The following DOCK9 variants were observed in gnomAD, a reference collection of about 807,000 sequenced individuals.
The protein encoded by DOCK9 is dedicator of cytokinesis 9.
A neutral mutation model predicts 263.3 loss-of-function variants in DOCK9; 89 were observed. The observed-to-expected ratio is 0.34, with a 90% CI of 0.28 to 0.40. The LOEUF is 0.40. DOCK9 is among the 10% of genes least tolerant of loss of function. The probability of loss-of-function intolerance (pLI) is 1.00; values close to 1 mark genes in which losing one functional copy is unlikely to be tolerated. For synonymous variants in DOCK9, 976 were observed against 973.1 expected (o/e 1.00, Z -0.06); for missense variants, 2,140 against 2,603.4 (o/e 0.82, Z 3.87).
At chr13:99,049,182 T>C (rs1439054778) in intron 1 of DOCK9, among the ~76,000 whole-genome samples, 1 of 152,232 alleles carries the variant, frequency 6.6e-6, no homozygotes. Flanking sequence ...AACTGTGAAA[T>C]GAAAATTCTT....
intron 1 of DOCK9, among the ~76,000 whole-genome samples, chr13:98,958,565 C>T (rs1009572724): frequency 6.6e-6 from 1 of 152,234 alleles, no homozygotes; most frequent in Non-Finnish European, 1.5e-5. Flanking sequence ...GGCACAAAAG[C>T]AGCCACAGAC....
In DOCK9 at chr13:98,867,958, G is replaced by A; in HGVS notation, c.3144C>T (p.Tyr1048=). 1 of 1,613,688 alleles carries A rather than the reference G, an allele frequency of 6.2e-7. No individual in the cohort carries two copies. The highest frequency in any genetic ancestry group is 8.5e-7 in the Non-Finnish European group (1 of 1,179,808). Residue 1048 remains tyrosine (Y), a synonymous_variant, in exon 29 of 53, where the codon TAC becomes TAT. Coordinates refer to ENST00000682017, the MANE Select transcript of DOCK9 (RefSeq NM_001366683.2). Reference sequence around the variant, plus strand: ...GGTCTCCAGGAGCAAAACAGCTAATGTAGTTGTTGATCTGCTTGAAGACAA... The same window carrying A: ...GGTCTCCAGGAGCAAAACAGCTAATATAGTTGTTGATCTGCTTGAAGACAA... ...RGFVFKQINN[Y]ISCFAPGDPK...
chr13:98,881,954 T>G lies in DOCK9; in HGVS notation c.2613A>C (p.Leu871=). 6.2e-7 allele frequency: 1 copy of G among 1,601,252 alleles called. No individual in the cohort carries two copies. The highest frequency in any genetic ancestry group is 8.5e-7 in the Non-Finnish European group (1 of 1,174,184). Residue 871 remains leucine (L), a synonymous_variant, in exon 24 of 53, where the codon CTA becomes CTC. Transcript: ENST00000682017. The part of the protein sequence containing the change: ...HVMIAFLPTI[L]NQLFRVLTRA... ...TGGTGAGGACTCGGAACAGCTGGTTTAGGATAGTGGGCAAGAAGGCGATCA... is the reference window on the plus strand; with the variant it reads ...TGGTGAGGACTCGGAACAGCTGGTTGAGGATAGTGGGCAAGAAGGCGATCA...
Position 98,914,460 on chromosome 13 carries a change from G to A in DOCK9, c.893-65C>T, listed in dbSNP as rs550711697. On this transcript the variant is annotated intron_variant, in intron 8 of 52. Coordinates refer to ENST00000682017, the MANE Select transcript of DOCK9 (RefSeq NM_001366683.2). ...CATAGCATTTCATTTGAAACAGGAG[G>A]AGGAAGGCCGTTTCTCTTAGGTGCC... 3.0e-5 allele frequency: 43 copies of A among 1,440,836 alleles called. 1 individual carries two copies. The highest frequency in any genetic ancestry group is 1.2e-4 in the East Asian group (5 of 41,044). The allele number at this position is 1,440,836 out of a possible 1,614,324, so 89.3% of individuals were successfully genotyped here.
chr13:98,927,152 C>T (rs1270041193), intron 3 of DOCK9, among the ~76,000 whole-genome samples: 1 of 152,232 alleles, frequency 6.6e-6, no homozygotes, highest in Non-Finnish European at 1.5e-5. Context: ...GGGCTAAGCG[C>T]AAAGTCAGAT....
At chr13:98,795,640 A>G (rs192128477) in intron 52 of DOCK9, among the ~76,000 whole-genome samples, 2 of 152,328 alleles carry the variant, frequency 1.3e-5, no homozygotes, top group Non-Finnish European at 2.9e-5. Context: ...TCCATTCTAT[A>G]GGAATCTGGA....
chr13:98,893,196 G>T (rs2046893331), intron 15 of DOCK9, among the ~76,000 whole-genome samples: 1 of 152,140 alleles, frequency 6.6e-6, no homozygotes, highest in Non-Finnish European at 1.5e-5. Context: ...AGCGAAATCG[G>T]GGTAAGACTG....
chr13:98,867,347 T>C (rs565769431), intron 30 of DOCK9, 78 bp downstream of exon 30: 1 of 856,870 alleles, frequency 1.2e-6, no homozygotes, highest in South Asian at 1.7e-5. Flanking sequence ...AAATATCATG[T>C]TTGAATCAAT....
intron 27 of DOCK9, among the ~76,000 whole-genome samples, chr13:98,874,764 A>C (rs866190111): frequency 6.8e-6 from 1 of 146,674 alleles, no homozygotes; most frequent in African/African-American, 2.5e-5. Flanking sequence ...TATTGATATA[A>C]AAGTTTCCAA....
intron 1 of DOCK9, among the ~76,000 whole-genome samples, chr13:98,985,206 T>C (rs1402123955): frequency 6.6e-6 from 1 of 152,114 alleles, no homozygotes; most frequent in Admixed American, 6.5e-5. Context: ...AGAGTCAGGC[T>C]GACGAAGGAC....
At chr13:98,987,802 A>G (rs1878815551) in intron 1 of DOCK9, among the ~76,000 whole-genome samples, 1 of 152,258 alleles carries the variant, frequency 6.6e-6, no homozygotes, top group African/African-American at 2.4e-5. Flanking sequence ...TAACTGGTAA[A>G]TAATAGATCC....
intron 49 of DOCK9, among the ~76,000 whole-genome samples, chr13:98,803,510 C>A (rs1024832574): frequency 2.6e-5 from 4 of 152,172 alleles, no homozygotes; most frequent in African/African-American, 9.7e-5. Context: ...CCAGCAGTTT[C>A]GGAGGTGGGG....
intron 2 of DOCK9, among the ~76,000 whole-genome samples, chr13:98,938,874 G>A (rs1014832409): frequency 6.6e-6 from 1 of 152,176 alleles, no homozygotes; most frequent in African/African-American, 2.4e-5. Context: ...GGGACCATAT[G>A]AGCAATGAGC....
intron 1 of DOCK9, among the ~76,000 whole-genome samples, chr13:99,035,631 G>A (rs1016410191): frequency 1.3e-5 from 2 of 152,218 alleles, no homozygotes; most frequent in Non-Finnish European, 2.9e-5. Flanking sequence ...CAAAATGGTA[G>A]AGTCATCAAT....
chr13:99,032,386 G>A (rs1887438675), intron 1 of DOCK9, among the ~76,000 whole-genome samples: 1 of 151,424 alleles, frequency 6.6e-6, no homozygotes, highest in East Asian at 1.9e-4. Flanking sequence ...AGAGGCAGGC[G>A]AATTGCTTGA....
rs753158124 is a variant in DOCK9 at position 98,800,315 on chromosome 13, G to T, written c.5889C>A (p.Leu1963=). The change falls in exon 50 of 53, where the codon CTC becomes CTA. Residue 1963 remains leucine (L), a synonymous_variant. Transcript: ENST00000682017. The stretch of plus-strand genomic sequence containing the variant: ...GAACACTCACGCTGCCCTGGAGTTT[G>T]AGCTGCAGTTTGATCATGTCCACCT... The part of the protein sequence containing the change: ...SAEVDMIKLQ[L]KLQGSVSVQV... 3 of 1,608,720 alleles carry T rather than the reference G, an allele frequency of 1.9e-6. No homozygotes were observed. Among genetic ancestry groups the T allele is most frequent in the Non-Finnish European group, 8.5e-7 (1 of 1,177,540 alleles).
intron 1 of DOCK9, among the ~76,000 whole-genome samples, chr13:99,082,445 G>C (rs968628919): frequency 6.6e-6 from 1 of 151,722 alleles, no homozygotes; most frequent in African/African-American, 2.4e-5. Flanking sequence ...CTTGAACCCG[G>C]GAAGCGGAGG....
chr13:99,045,206 C>T (rs1264742937), intron 1 of DOCK9, among the ~76,000 whole-genome samples: 1 of 152,222 alleles, frequency 6.6e-6, no homozygotes, highest in Non-Finnish European at 1.5e-5. Flanking sequence ...TATCTGCACT[C>T]CCATGTTCAT....
intron 1 of DOCK9, among the ~76,000 whole-genome samples, chr13:99,020,615 T>G (rs1385523144): frequency 2.0e-5 from 3 of 152,190 alleles, no homozygotes; most frequent in Admixed American, 1.3e-4. Flanking sequence ...ACTTTCTGTT[T>G]TAAATGTATT....
Sources: allele counts gnomAD v4.1 joint callset (sites outside exome capture counted in the v4.1 genomes callset), GRCh38; gene constraint gnomAD v4.1.1; transcripts MANE v1.5; gene names NCBI Gene and HGNC (gene_info 2026-07-23, HGNC 2026-07-21).